Variants in BICC1 observed in about 807,000 individuals in gnomAD.
BICC1 encodes BicC family RNA binding protein 1, also known as protein bicaudal C homolog 1.
BICC1 carries 43 observed loss-of-function variants against 111.0 expected under a neutral mutation model. That is an observed-to-expected ratio of 0.39 (90% confidence interval 0.30 to 0.50). BICC1 has a LOEUF of 0.50. Ranked by LOEUF, BICC1 falls within the 20% of genes least tolerant of loss-of-function variation. BICC1 has a pLI of 0.88. For synonymous variants in BICC1, 467 were observed against 434.4 expected, an observed-to-expected ratio of 1.07 and a Z score of -0.93; for missense variants, 1,091 against 1,203.2, an observed-to-expected ratio of 0.91 and a Z score of 1.38.
intron 1 of BICC1, among the ~76,000 whole-genome samples, chr10:58,545,754 T>G (rs1843119886): frequency 6.6e-6 from 1 of 152,114 alleles, no homozygotes; most frequent in Non-Finnish European, 1.5e-5. Flanking sequence ...GGTGCAGTAT[T>G]CCTTGGGCCC....
intron 1 of BICC1, among the ~76,000 whole-genome samples, chr10:58,568,526 CCTT>C (rs1564491534): frequency 6.6e-6 from 1 of 152,058 alleles, no homozygotes; most frequent in African/African-American, 2.4e-5. Context: ...ACTGAGAACT[CCTT>C]CTGGCAAGAA....
chr10:58,803,948 C>T (rs1843633850), intron 15 of BICC1, among the ~76,000 whole-genome samples: 1 of 152,114 alleles, frequency 6.6e-6, no homozygotes, highest in African/African-American at 2.4e-5. Flanking sequence ...GATGTCAGAC[C>T]AGAATTGCTG....
chr10:58,520,149 G>A (rs1658496), intron 1 of BICC1, among the ~76,000 whole-genome samples: 82,089 of 151,980 alleles, frequency 0.54, 23,220 homozygotes, highest in African/African-American at 0.71. Context: ...TAATAAAATA[G>A]ACCAGTTGAC....
chr10:58,785,491 A>G (rs1166758443), intron 4 of BICC1, among the ~76,000 whole-genome samples: 1 of 152,142 alleles, frequency 6.6e-6, no homozygotes, highest in African/African-American at 2.4e-5. Context: ...GATCTTCTAT[A>G]TAGCTCTGTG....
At chr10:58,778,344 C>T (rs761600363) in intron 3 of BICC1, among the ~76,000 whole-genome samples, 4 of 152,098 alleles carry the variant, frequency 2.6e-5, no homozygotes, top group Non-Finnish European at 5.9e-5. Context: ...CACAAAAATA[C>T]ACGCATAATT....
intron 1 of BICC1, among the ~76,000 whole-genome samples, chr10:58,554,225 T>G (rs978581583): frequency 1.3e-5 from 2 of 152,164 alleles, no homozygotes; most frequent in Non-Finnish European, 2.9e-5. Flanking sequence ...GTACTAATTC[T>G]ACAGTTAAGG....
rs373425589 is a variant in BICC1, at chr10:58,717,617, G to A, written c.307+15474G>A. Among the ~76,000 whole-genome samples, 74 of 152,278 alleles carry A rather than the reference G, an allele frequency of 4.9e-4. 1 individual carries two copies. The South Asian group carries it at 0.015, about 31-fold the overall frequency. ...GTAGCTGCATGAAATACCATTGCAT[G>A]TATATGTAGGATATGGCTATAATAT... On this transcript the variant is annotated intron_variant, in intron 3 of 20. Transcript: ENST00000373886.
intron 3 of BICC1, among the ~76,000 whole-genome samples, chr10:58,728,821 C>A (rs183072390): frequency 9.7e-4 from 148 of 152,178 alleles, no homozygotes; most frequent in African/African-American, 3.3e-3. Flanking sequence ...CTTCATCAGA[C>A]CTCTTTTGTG....
In BICC1 at chr10:58,700,339, G is replaced by A. The variant is rs137904449; in HGVS notation, c.238-1735G>A. The stretch of plus-strand genomic sequence containing the variant: ...TAGTGAATGCAGGGACTCAGAAGGG[G>A]AGCCTGCTGGGCATGTTTTTGGGGT... On this transcript the variant is annotated intron_variant, in intron 2 of 20. Transcript: ENST00000373886. Among the ~76,000 whole-genome samples, 1,292 of 152,236 alleles carry A rather than the reference G, an allele frequency of 8.5e-3. 16 individuals are homozygous for A. Among genetic ancestry groups the A allele is most frequent in the African/African-American group, 0.03 (1,247 of 41,534 alleles).
intron 1 of BICC1, among the ~76,000 whole-genome samples, chr10:58,573,406 C>T (rs1027549197): frequency 1.8e-4 from 28 of 152,098 alleles, no homozygotes; most frequent in Admixed American, 3.3e-4. Flanking sequence ...CAGTTCTTTG[C>T]GGTTAGATGA....
At chr10:58,667,810 G>A (rs1364492644) in intron 2 of BICC1, among the ~76,000 whole-genome samples, 1 of 152,074 alleles carries the variant, frequency 6.6e-6, no homozygotes, top group African/African-American at 2.4e-5. Context: ...CCTTGGAGAA[G>A]CCAGGACTGG....
intron 8 of BICC1, among the ~76,000 whole-genome samples, chr10:58,791,511 G>A (rs1843175939): frequency 6.6e-6 from 1 of 152,146 alleles, no homozygotes; most frequent in South Asian, 2.1e-4. Flanking sequence ...GCCGAGGCAG[G>A]CGTATCACAA....
intron 2 of BICC1, among the ~76,000 whole-genome samples, chr10:58,663,185 G>A (rs980885049): frequency 1.3e-5 from 2 of 150,366 alleles, no homozygotes; most frequent in African/African-American, 4.9e-5. Context: ...TCCTGCCTCA[G>A]CCTCCTGAGT....
At chr10:58,727,113 G>T (rs1303385264) in intron 3 of BICC1, among the ~76,000 whole-genome samples, 1 of 152,018 alleles carries the variant, frequency 6.6e-6, no homozygotes, top group Non-Finnish European at 1.5e-5. Context: ...AAAAATGATA[G>T]AATTTAGTGT....
intron 1 of BICC1, among the ~76,000 whole-genome samples, chr10:58,606,738 A>G (rs959068802): frequency 1.3e-5 from 2 of 152,096 alleles, no homozygotes; most frequent in Non-Finnish European, 1.5e-5. Flanking sequence ...TTTCAGAAGC[A>G]TATGCTTTGA....
chr10:58,771,705 T>G (rs1842627135), intron 3 of BICC1, among the ~76,000 whole-genome samples: 1 of 151,964 alleles, frequency 6.6e-6, no homozygotes, highest in Admixed American at 6.6e-5. Flanking sequence ...GTATTTTGGT[T>G]TGGTTGTAGT....
rs774545093 is a variant in BICC1 at position 58,817,749 on chromosome 10, A to G, written c.2694+27A>G. ...TCAGTCATTATTTATTTTCCCAAGT[A>G]TCTTTGTTTTGATTGTGTGTATGAT... On this transcript the variant is annotated intron_variant, in intron 19 of 20. Transcript: ENST00000373886. The G allele has an allele frequency of 5.1e-6, 8 of 1,579,826 alleles. No homozygotes were observed. In the Admixed American group the frequency reaches 1.1e-4, roughly 21 times the overall value.
At position 58,801,065 on chromosome 10, in the gene BICC1, A is replaced by G; in HGVS notation, c.2015+19A>G. 3 of 1,564,280 alleles carry G rather than the reference A, an allele frequency of 1.9e-6. No individual in the cohort carries two copies. Among genetic ancestry groups the G allele is most frequent in the Non-Finnish European group, 2.6e-6 (3 of 1,156,660 alleles). On this transcript the variant is annotated intron_variant, in intron 14 of 20. Coordinates refer to ENST00000373886, the MANE Select transcript of BICC1 (RefSeq NM_001080512.3). Reference sequence around the variant, plus strand: ...ACTTACAGTATGTATTTTAATCTTTAAAGAGCCCTTGATATTTTGAAATGA... The same window carrying G: ...ACTTACAGTATGTATTTTAATCTTTGAAGAGCCCTTGATATTTTGAAATGA...
At chr10:58,513,771 C>A (rs1439942905) in intron 1 of BICC1, among the ~76,000 whole-genome samples, 1 of 152,176 alleles carries the variant, frequency 6.6e-6, no homozygotes, top group East Asian at 1.9e-4. Flanking sequence ...TTGTCAGTAT[C>A]CACTTCCTCC....
Sources: gnomAD v4.1 joint callset for allele counts (sites outside exome capture counted in the v4.1 genomes callset) on GRCh38, gnomAD v4.1.1 for gene constraint, MANE v1.5 for transcripts, NCBI Gene and HGNC (gene_info 2026-07-23, HGNC 2026-07-21) for gene names.